The following GUCY2D variants were observed in gnomAD, a reference collection of about 807,000 sequenced individuals.
GUCY2D encodes guanylate cyclase 2D, retinal.
In GUCY2D, 70 loss-of-function variants were observed where a neutral mutation model predicts 101.3. That is an observed-to-expected ratio of 0.69 (90% CI 0.57 to 0.84). The LOEUF is 0.84. Ranked by LOEUF, GUCY2D falls within the 40% of genes least tolerant of loss-of-function variation. GUCY2D has a pLI of 0.00. For missense variants in GUCY2D, 1,460 were observed against 1,542.5 expected, an observed-to-expected ratio of 0.95 and a Z score of 0.90; for synonymous variants, 688 against 670.7, an observed-to-expected ratio of 1.03 and a Z score of -0.40.
chr17:8,015,555 C>T, intron 15 of GUCY2D, 53 bp downstream of exon 15: 2 of 1,508,150 alleles, frequency 1.3e-6, no homozygotes, highest in Non-Finnish European at 1.8e-6. Flanking sequence ...TAGGGCCTGG[C>T]CCCAGATTTC....
Position 8,014,056 on chromosome 17 carries a change from G to C in GUCY2D, c.2412+28G>C, listed in dbSNP as rs1975912960. 1.2e-6 allele frequency: 2 copies of C among 1,604,266 alleles called. No individual in the cohort carries two copies. The highest frequency in any genetic ancestry group is 1.7e-6 in the Non-Finnish European group (2 of 1,174,808). On this transcript the variant is annotated intron_variant, in intron 12 of 19. Coordinates refer to ENST00000254854, the MANE Select transcript of GUCY2D (RefSeq NM_000180.4). The surrounding 1 kb of genome is among the most constrained non-coding windows in gnomAD (Gnocchi z 4.0). ...CAGGGGCTGGGAGTGGGCAAGGACT[G>C]GGCTGGCCTCTGGGATCCCAGATGC...
Position 8,009,450 on chromosome 17 carries a change from C to A in GUCY2D, c.1669-56C>A, listed in dbSNP as rs1975806691. The A allele has an allele frequency of 2.7e-6, 3 of 1,093,232 alleles. No individual in the cohort carries two copies. In the South Asian group the frequency reaches 3.7e-5, roughly 14 times the overall value. 67.7% of individuals were successfully genotyped at this position (1,093,232 alleles called of 1,614,324 possible). A position where few individuals can be genotyped will look rare whatever the true frequency, so the allele number is the denominator to read the frequency against. On this transcript the variant is annotated intron_variant, in intron 7 of 19. Coordinates refer to ENST00000254854, the MANE Select transcript of GUCY2D (RefSeq NM_000180.4). Reference sequence around the variant, plus strand: ...AATGAGGGGGAGGGGTTCTAGGGCTCCCCATCGTGGGATTTTAAGAGACTG... The same window carrying A: ...AATGAGGGGGAGGGGTTCTAGGGCTACCCATCGTGGGATTTTAAGAGACTG...
intron 17 of GUCY2D, 84 bp downstream of exon 17, chr17:8,016,105 C>A: frequency 7.3e-7 from 1 of 1,373,406 alleles, no homozygotes; most frequent in Non-Finnish European, 1.0e-6. Context: ...CAAACCTCAG[C>A]TCACCCTTCT....
At chr17:8,010,999 C>T (rs569133278) in intron 8 of GUCY2D, among the ~76,000 whole-genome samples, 6 of 152,168 alleles carry the variant, frequency 3.9e-5, no homozygotes, top group African/African-American at 1.4e-4. Context: ...GAGTCTCAGA[C>T]CCGACTGACA....
chr17:8,016,433 C>G lies in GUCY2D; in HGVS notation c.3225-10C>G. ...TCCCCTTCCCTGAGGCCACCGCCCC[C>G]TCCTTGCAGGTCCAGCAACCACGGC... On this transcript the variant is annotated splice_polypyrimidine_tract_variant and intron_variant, in intron 18 of 19. Coordinates refer to ENST00000254854, the MANE Select transcript of GUCY2D (RefSeq NM_000180.4). The G allele has an allele frequency of 1.3e-6, 2 of 1,553,876 alleles. No individual in the cohort carries two copies. The highest frequency in any genetic ancestry group is 2.4e-5 in the East Asian group (1 of 42,030).
In GUCY2D at chr17:8,014,550, G is replaced by T. The variant is rs2151803275; in HGVS notation, c.2413-51G>T. 2 of 1,583,762 alleles carry T rather than the reference G, an allele frequency of 1.3e-6. No individual in the cohort carries two copies. Among genetic ancestry groups the T allele is most frequent in the Middle Eastern group, 1.7e-4 (1 of 5,808 alleles). ...GGCCCATGAGGGGGGCATAAAGAGGGCATGGCAACCCAGGTCTTCAGCAGC... is the reference window on the plus strand; with the variant it reads ...GGCCCATGAGGGGGGCATAAAGAGGTCATGGCAACCCAGGTCTTCAGCAGC... On this transcript the variant is annotated intron_variant, in intron 12 of 19. Coordinates refer to ENST00000254854, the MANE Select transcript of GUCY2D (RefSeq NM_000180.4). This position sits in a 1 kb window ranked among gnomAD's most constrained non-coding sequence, Gnocchi z 4.0.
In GUCY2D at chr17:8,003,142, C is replaced by G; in HGVS notation, c.95C>G (p.Ala32Gly). 6.6e-7 allele frequency: 1 copy of G among 1,508,508 alleles called. No individual in the cohort carries two copies. Among genetic ancestry groups the G allele is most frequent in the Non-Finnish European group, 8.8e-7 (1 of 1,133,738 alleles). The allele number at this position is 1,508,508 out of a possible 1,614,324, so 93.4% of individuals were successfully genotyped here. The change falls in exon 2 of 20, where the codon GCC (alanine) becomes GGC (glycine). Residue 32 changes from alanine (A) to glycine (G), a missense_variant. By Grantham distance (60) the Ala-to-Gly change is moderately conservative (BLOSUM62 0). Transcript: ENST00000254854. ...WAPSLPRLPRALPRLPLLLLL... is the reference protein window; with the variant it reads ...WAPSLPRLPRGLPRLPLLLLL... ...CCGTCCCTGCCCCGCCTCCCCCGGG[C>G]CCTGCCCCGGCTCCCGCTCCTGCTG...
rs149866657 is a variant in GUCY2D, at chr17:8,014,645, G to C, written c.2457G>C (p.Ser819=). 5 of 1,613,940 alleles carry C rather than the reference G, an allele frequency of 3.1e-6. No homozygotes were observed. In the African/African-American group the frequency reaches 4.0e-5, roughly 13 times the overall value. ...NKGRKTNIID[S]MLRMLEQYSS... is the part of the protein sequence containing the mutation. ...GCCGGAAGACGAACATCATTGACTC[G>C]ATGCTTCGGATGCTGGAGCAGTACT... Residue 819 remains serine, a synonymous_variant, in exon 13 of 20, where the codon TCG becomes TCC. Transcript: ENST00000254854. This position sits in a 1 kb window ranked among gnomAD's most constrained non-coding sequence, Gnocchi z 4.0.
intron 8 of GUCY2D, among the ~76,000 whole-genome samples, chr17:8,010,108 T>C (rs1021677081): frequency 6.6e-6 from 1 of 152,214 alleles, no homozygotes; most frequent in African/African-American, 2.4e-5. Context: ...GTCTGCCTGC[T>C]TGTTTCTGCC....
intron 14 of GUCY2D, 115 bp downstream of exon 14, chr17:8,015,166 A>AC: frequency 9.0e-7 from 1 of 1,107,552 alleles, no homozygotes; most frequent in Non-Finnish European, 1.3e-6. Context: ...TCTTTCCCAG[A>AC]CCTCCTGTCC....
chr17:8,003,353 C>CGAGCCT lies in GUCY2D; in HGVS notation c.307_312dup (p.Glu103_Pro104dup). The CGAGCCT allele has an allele frequency of 6.8e-7, 1 of 1,469,656 alleles. No individual in the cohort carries two copies. Among genetic ancestry groups the CGAGCCT allele is most frequent in the Non-Finnish European group, 8.9e-7 (1 of 1,117,632 alleles). 91.0% of individuals were successfully genotyped at this position (1,469,656 alleles called of 1,614,324 possible). A position where few individuals can be genotyped will look rare whatever the true frequency, so the allele number is the denominator to read the frequency against. On this transcript the variant is annotated inframe_insertion, in exon 2 of 20. Coordinates refer to ENST00000254854, the MANE Select transcript of GUCY2D (RefSeq NM_000180.4). ...CCCGCTTCGAGGTAGCGCTGCTGCCCGAGCCTTGCCGGACGCCGGGCTCGC... is the reference window on the plus strand; with the variant it reads ...CCCGCTTCGAGGTAGCGCTGCTGCCCGAGCCTGAGCCTTGCCGGACGCCGGGCTCGC...
Position 8,016,317 on chromosome 17 carries a change from C to A in GUCY2D, c.3224+27C>A, listed in dbSNP as rs746477554. The A allele has an allele frequency of 4.0e-6, 6 of 1,486,422 alleles. No individual in the cohort carries two copies. In the African/African-American group the frequency reaches 6.9e-5, roughly 17 times the overall value. The allele number at this position is 1,486,422 out of a possible 1,614,324, so 92.1% of individuals were successfully genotyped here. Reference sequence around the variant, plus strand: ...TGAGGGGCCGGCCTCCGCGGCAGGGCGAGGGACGAGGGACCCCTGCCTCCT... The same window carrying A: ...TGAGGGGCCGGCCTCCGCGGCAGGGAGAGGGACGAGGGACCCCTGCCTCCT... On this transcript the variant is annotated intron_variant, in intron 18 of 19. Coordinates refer to ENST00000254854, the MANE Select transcript of GUCY2D (RefSeq NM_000180.4).
At chr17:8,006,230 T>G (rs1407753936) in intron 3 of GUCY2D, 133 bp from the exon 4 acceptor site, 4 of 728,982 alleles carry the variant, frequency 5.5e-6, no homozygotes, top group African/African-American at 1.7e-5. Context: ...AGATAGCCAA[T>G]GGGGAGGGAT....
In GUCY2D at chr17:8,014,587, C is replaced by T. The variant is rs189559705; in HGVS notation, c.2413-14C>T. On this transcript the variant is annotated splice_polypyrimidine_tract_variant and intron_variant, in intron 12 of 19. Transcript: ENST00000254854. This position sits in a 1 kb window ranked among gnomAD's most constrained non-coding sequence, Gnocchi z 4.0. ...AGGTCTTCAGCAGCTTTACCAGCTT[C>T]CTTCTACTGCTAGTTCAAGAACATC... 5.3e-4 allele frequency: 856 copies of T among 1,613,890 alleles called. 2 individuals are homozygous for T. Among genetic ancestry groups the T allele is most frequent in the Middle Eastern group, 2.8e-3 (17 of 6,046 alleles).
intron 3 of GUCY2D, 81 bp downstream of exon 3, chr17:8,004,237 T>C: frequency 7.7e-7 from 1 of 1,291,466 alleles, no homozygotes; most frequent in Non-Finnish European, 1.1e-6. Context: ...ATGCAGCCAA[T>C]GGAGAAAGAA....
chr17:8,004,043 C>T lies in GUCY2D; in HGVS notation c.913C>T (p.His305Tyr), dbSNP rs199931193. The T allele has an allele frequency of 1.2e-6, 2 of 1,610,696 alleles. No homozygotes were observed. Among genetic ancestry groups the T allele is most frequent in the East Asian group, 2.2e-5 (1 of 44,876 alleles). The part of the protein sequence containing the change: ...LANSSQLRRA[H>Y]DAVLTLTRHC... Reference sequence around the variant, plus strand: ...CAACAGCTCCCAGCTTCGCAGGGCCCACGATGCCGTGCTCACCCTCACGCG... The same window carrying T: ...CAACAGCTCCCAGCTTCGCAGGGCCTACGATGCCGTGCTCACCCTCACGCG... The change falls in exon 3 of 20, where the codon CAC (histidine) becomes TAC (tyrosine). Residue 305 changes from histidine to tyrosine, a missense_variant. Around this residue, in one of 3 missense-constraint regions of GUCY2D, gnomAD observed 1,196 missense variants for 1,229.6 expected, o/e 0.97. Coordinates refer to ENST00000254854, the MANE Select transcript of GUCY2D (RefSeq NM_000180.4).
chr17:8,015,224 G>A (rs950831755), intron 14 of GUCY2D, 104 bp from the exon 15 acceptor site: 3 of 1,173,560 alleles, frequency 2.6e-6, no homozygotes, highest in African/African-American at 1.5e-5. Flanking sequence ...CTAGCAACCT[G>A]GTTCTGCACT....
In GUCY2D at chr17:8,004,078, C is replaced by T. The variant is rs1449620948; in HGVS notation, c.948C>T (p.Pro316=). 6.2e-7 allele frequency: 1 copy of T among 1,605,882 alleles called. No homozygotes were observed. The highest frequency in any genetic ancestry group is 8.5e-7 in the Non-Finnish European group (1 of 1,179,910). ...DAVLTLTRHC[P]SEGSVLDSLR... is the part of the protein sequence containing the mutation. ...TGCTCACCCTCACGCGCCACTGTCC[C>T]TCTGAAGGCAGCGTGCTGGACAGCC... Residue 316 remains proline, a synonymous_variant, in exon 3 of 20, where the codon CCC becomes CCT. Transcript: ENST00000254854.
Position 8,003,890 on chromosome 17 carries a change from G to C in GUCY2D, c.760G>C (p.Glu254Gln). Residue 254 changes from glutamate (E) to glutamine (Q), a missense_variant, in exon 3 of 20, where the codon GAG becomes CAG. By Grantham distance (29) the Glu-to-Gln change is conservative. Around this residue, in one of 3 missense-constraint regions of GUCY2D, gnomAD observed 1,196 missense variants for 1,229.6 expected, o/e 0.97. Coordinates refer to ENST00000254854, the MANE Select transcript of GUCY2D (RefSeq NM_000180.4). ...MVMHSVLLGGEEQRYLLEAAE... is the reference protein window; with the variant it reads ...MVMHSVLLGGQEQRYLLEAAE... ...GATGCACTCGGTGCTGCTGGGTGGC[G>C]AGGAGCAGCGCTACCTCCTGGAGGC... 1 of 1,613,260 alleles carries C rather than the reference G, an allele frequency of 6.2e-7. No individual in the cohort carries two copies. Among genetic ancestry groups the C allele is most frequent in the Non-Finnish European group, 8.5e-7 (1 of 1,179,814 alleles).
Sources: gnomAD v4.1 joint callset for allele counts (sites outside exome capture counted in the v4.1 genomes callset) on GRCh38, gnomAD v4.1.1 for gene constraint, gnomAD v4.1.1 regional missense constraint, Gnocchi (gnomAD v3.1) non-coding constraint, MANE v1.5 for transcripts, NCBI Gene and HGNC (gene_info 2026-07-23, HGNC 2026-07-21) for gene names.